Variants in ACSM2B observed in about 807,000 individuals in gnomAD.
ACSM2B encodes acyl-CoA synthetase medium chain family member 2B, also known as acyl-coenzyme A synthetase ACSM2B, mitochondrial.
In ACSM2B, 58 loss-of-function variants were observed where a neutral mutation model predicts 78.6. That is an observed-to-expected ratio of 0.74 (90% CI 0.60 to 0.92). The LOEUF is 0.92. Among genes scored for constraint, ACSM2B ranks in the 40% least tolerant of loss-of-function variants. The pLI is 0.00. For missense variants in ACSM2B, 688 were observed against 711.2 expected (o/e 0.97, Z 0.37); for synonymous variants, 257 against 256.8 (o/e 1.00, Z -0.01).
chr16:20,548,975 A>T (rs1381510623), intron 6 of ACSM2B, among the ~76,000 whole-genome samples: 3 of 152,208 alleles, frequency 2.0e-5, no homozygotes, highest in Admixed American at 6.5e-5. Flanking sequence ...AGACATTTCA[A>T]AACAAGTGCT....
chr16:20,540,679 G>A lies in ACSM2B; in HGVS notation c.1604C>T (p.Thr535Ile), dbSNP rs762066109. ...CTTTCTTGGGTACTTGTATGGGGCT[G>A]TCACTGACTTCACATGCTGCTGCAG... ...KELQQHVKSVTAPYKYPRKIE... is the reference protein window; with the variant it reads ...KELQQHVKSVIAPYKYPRKIE... Residue 535 changes from threonine to isoleucine, a missense_variant, in exon 13 of 14, where the codon ACA (threonine) becomes ATA (isoleucine). Transcript: ENST00000329697. The A allele has an allele frequency of 1.2e-6, 2 of 1,614,016 alleles. No homozygotes were observed. Among genetic ancestry groups the A allele is most frequent in the Non-Finnish European group, 1.7e-6 (2 of 1,180,002 alleles).
intron 2 of ACSM2B, among the ~76,000 whole-genome samples, chr16:20,563,947 G>C (rs1036228595): frequency 2.7e-4 from 41 of 150,952 alleles, no homozygotes; most frequent in African/African-American, 9.4e-4. Flanking sequence ...GGCTGGGAAG[G>C]AAACTCAGAA....
intron 3 of ACSM2B, among the ~76,000 whole-genome samples, chr16:20,557,399 A>G (rs1260448482): frequency 6.8e-6 from 1 of 146,232 alleles, no homozygotes; most frequent in Non-Finnish European, 1.5e-5. Flanking sequence ...TAACCCTGTT[A>G]TTAGTTCCCC....
intron 9 of ACSM2B, 141 bp downstream of exon 9, chr16:20,546,253 C>A (rs1336058592): frequency 7.1e-7 from 1 of 1,417,020 alleles, no homozygotes; most frequent in East Asian, 2.4e-5. Flanking sequence ...TTCCCCCTAA[C>A]CTCCCTCCGT....
intron 1 of ACSM2B, among the ~76,000 whole-genome samples, chr16:20,566,636 A>AC (rs2015859007): frequency 2.8e-5 from 1 of 35,482 alleles, no homozygotes; most frequent in East Asian, 2.8e-3. Flanking sequence ...TATATATAGT[A>AC]TATATATACT....
chr16:20,559,951 C>T (rs1271700593), intron 2 of ACSM2B, among the ~76,000 whole-genome samples: 2 of 150,912 alleles, frequency 1.3e-5, no homozygotes, highest in Non-Finnish European at 2.9e-5. Flanking sequence ...AGGCAAATAT[C>T]ACTTTAGATT....
At chr16:20,575,640 T>G (rs1381732777) in intron 1 of ACSM2B, 1 of 150,218 alleles carries the variant, frequency 6.7e-6, no homozygotes, top group Non-Finnish European at 1.5e-5. Flanking sequence ...CCTACCCAGA[T>G]TAAGGGTGGG....
chr16:20,565,524 G>C (rs930163096), intron 1 of ACSM2B, among the ~76,000 whole-genome samples: 6 of 152,034 alleles, frequency 3.9e-5, no homozygotes, highest in Admixed American at 2.0e-4. Flanking sequence ...AGATGTATAG[G>C]GTGTTTGTTA....
At chr16:20,542,504 T>C (rs9940456) in intron 12 of ACSM2B, 4,523 of 188,382 alleles carry the variant, frequency 0.024, 129 homozygotes, top group African/African-American at 0.069. Context: ...CTTTCATCCA[T>C]TGGATACTTA....
Position 20,546,425 on chromosome 16 carries a change from A to G in ACSM2B, c.1148T>C (p.Met383Thr), listed in dbSNP as rs762809844. 5 of 1,609,754 alleles carry G rather than the reference A, an allele frequency of 3.1e-6. No homozygotes were observed. In the South Asian group the frequency reaches 5.5e-5, roughly 18 times the overall value. ...ATCATAACAGGAAGCAGCCGTTCCC[A>G]TGTATCCTGGTTTGATTTTCATTGT... ...SKTMKIKPGY[M>T]GTAASCYDVQ... The change falls in exon 9 of 14, where the codon ATG (methionine) becomes ACG (threonine). Residue 383 changes from methionine to threonine, a missense_variant. Transcript: ENST00000329697.
Position 20,546,398 on chromosome 16 carries a change from A to C in ACSM2B, c.1175T>G (p.Val392Gly), listed in dbSNP as rs746360519. The change falls in exon 9 of 14, where the codon GTA becomes GGA. Residue 392 changes from valine to glycine, a missense_variant. Physicochemically the swap from Val to Gly is moderately radical, Grantham distance 109. Transcript: ENST00000329697. ...TCCTCAGTGTCCCGAGCAAACCTGT[A>C]CATCATAACAGGAAGCAGCCGTTCC... ...YMGTAASCYD[V>G]QVIDDKGNVL... 8 of 1,603,654 alleles carry C rather than the reference A, an allele frequency of 5.0e-6. No individual in the cohort carries two copies. The South Asian group carries it at 9.0e-5, about 18-fold the overall frequency.
intron 10 of ACSM2B, 146 bp downstream of exon 10, chr16:20,545,011 G>T: frequency 8.4e-7 from 1 of 1,186,668 alleles, no homozygotes; most frequent in Admixed American, 3.1e-5. Flanking sequence ...TTCTTCCACT[G>T]GCAAAGCATA....
intron 1 of ACSM2B, among the ~76,000 whole-genome samples, chr16:20,569,746 C>T (rs1368043097): frequency 6.6e-6 from 1 of 151,914 alleles, no homozygotes; most frequent in East Asian, 1.9e-4. Context: ...TCTATGATTT[C>T]TTTCAGCAGG....
intron 1 of ACSM2B, among the ~76,000 whole-genome samples, chr16:20,568,682 G>A (rs1416690431): frequency 4.6e-5 from 7 of 151,346 alleles, no homozygotes; most frequent in Admixed American, 2.0e-4. Context: ...CATTCCCACC[G>A]GCAGTGTAGA....
intron 2 of ACSM2B, among the ~76,000 whole-genome samples, chr16:20,564,085 A>G (rs2015746199): frequency 1.3e-5 from 2 of 151,910 alleles, no homozygotes; most frequent in Admixed American, 6.6e-5. Flanking sequence ...GGGAAGACTC[A>G]GTCTTTGTTC....
intron 1 of ACSM2B, among the ~76,000 whole-genome samples, chr16:20,567,394 A>G (rs1461085866): frequency 1.3e-4 from 15 of 119,250 alleles, no homozygotes; most frequent in Non-Finnish European, 2.1e-4. Flanking sequence ...AATATTACAT[A>G]TACAATATAT....
chr16:20,564,447 G>A (rs1170978578), intron 2 of ACSM2B, among the ~76,000 whole-genome samples: 2 of 152,102 alleles, frequency 1.3e-5, no homozygotes, highest in African/African-American at 4.8e-5. Context: ...TTGGCTGCCT[G>A]GGAGTTACCA....
rs1329517908 is a variant in ACSM2B, at chr16:20,544,596, GTTC to G, written c.1281+558_1281+560del. 12 of 985,326 alleles carry G rather than the reference GTTC, an allele frequency of 1.2e-5. No individual in the cohort carries two copies. The African/African-American group carries it at 2.1e-4, about 17-fold the overall frequency. 61.0% of individuals were successfully genotyped at this position (985,326 alleles called of 1,614,324 possible). A position where few individuals can be genotyped will look rare whatever the true frequency, so the allele number is the denominator to read the frequency against. Reference sequence around the variant, plus strand: ...CAGGGATCAGAAGGCATGCCCTTGGGTTCTTCTCTGTCCACTTTCTAATGGTTG... The same window carrying G: ...CAGGGATCAGAAGGCATGCCCTTGGGTTCTCTGTCCACTTTCTAATGGTTG... On this transcript the variant is annotated intron_variant, in intron 10 of 13. Transcript: ENST00000329697.
At chr16:20,541,272 ATT>A (rs978295520) in intron 12 of ACSM2B, 2 of 157,836 alleles carry the variant, frequency 1.3e-5, no homozygotes, top group African/African-American at 4.8e-5. Context: ...GGTTCCCATA[ATT>A]TTCTGTGTGA....
Sources: gnomAD v4.1 joint callset for allele counts (sites outside exome capture counted in the v4.1 genomes callset) on GRCh38, gnomAD v4.1.1 for gene constraint, MANE v1.5 for transcripts, NCBI Gene and HGNC (gene_info 2026-07-23, HGNC 2026-07-21) for gene names.